EPHA5: variants seen among roughly 807,000 people sequenced by gnomAD.
The protein encoded by EPHA5 is EPH receptor A5.
Under a neutral mutation model 105.0 loss-of-function variants are expected in EPHA5, and 60 were observed. That is an observed-to-expected ratio of 0.57 (90% CI 0.46 to 0.71). EPHA5 has a LOEUF of 0.71. Among genes scored for constraint, EPHA5 ranks in the 30% least tolerant of loss-of-function variants. The probability of loss-of-function intolerance (pLI) is 0.00; values close to 1 mark genes in which losing one functional copy is unlikely to be tolerated. For synonymous variants in EPHA5, 513 were observed against 449.1 expected (o/e 1.14, Z -1.80); for missense variants, 1,218 against 1,274.7 (o/e 0.96, Z 0.68).
intron 3 of EPHA5, among the ~76,000 whole-genome samples, chr4:65,526,973 C>T (rs770912153): frequency 6.6e-6 from 1 of 151,968 alleles, no homozygotes; most frequent in Non-Finnish European, 1.5e-5. Flanking sequence ...ATTCTTTCCT[C>T]TAAATGGGTA....
intron 8 of EPHA5, among the ~76,000 whole-genome samples, chr4:65,383,861 A>G (rs893339747): frequency 6.6e-6 from 1 of 151,918 alleles, no homozygotes; most frequent in Admixed American, 6.6e-5. Flanking sequence ...AACATAAAAA[A>G]TATATATGAT....
At chr4:65,549,210 G>A (rs921535209) in intron 3 of EPHA5, among the ~76,000 whole-genome samples, 1 of 152,056 alleles carries the variant, frequency 6.6e-6, no homozygotes, top group Admixed American at 6.6e-5. Flanking sequence ...ATGGCCAGAA[G>A]ATAATAAAAT....
At chr4:65,507,713 A>G (rs1429883267) in intron 3 of EPHA5, among the ~76,000 whole-genome samples, 2 of 152,028 alleles carry the variant, frequency 1.3e-5, no homozygotes, top group Non-Finnish European at 2.9e-5. Context: ...ATGCACATTG[A>G]TTTTGTATCC....
chr4:65,413,628 G>T (rs1239243874), intron 7 of EPHA5, among the ~76,000 whole-genome samples: 1 of 152,014 alleles, frequency 6.6e-6, no homozygotes, highest in Non-Finnish European at 1.5e-5. Flanking sequence ...ACAATACTGT[G>T]TATTTCCTCA....
At chr4:65,585,966 C>G (rs1311215675) in intron 3 of EPHA5, among the ~76,000 whole-genome samples, 1 of 150,750 alleles carries the variant, frequency 6.6e-6, no homozygotes, top group East Asian at 1.9e-4. Context: ...CAAAAGTTAT[C>G]ATTTCTGGAA....
chr4:65,465,805 T>G (rs1439538815), intron 5 of EPHA5, among the ~76,000 whole-genome samples: 1 of 152,146 alleles, frequency 6.6e-6, no homozygotes, highest in Non-Finnish European at 1.5e-5. Flanking sequence ...TGGAATTTCC[T>G]AAGAAAAAAA....
chr4:65,349,807 A>G (rs917857532), intron 13 of EPHA5, among the ~76,000 whole-genome samples: 1 of 152,176 alleles, frequency 6.6e-6, no homozygotes, highest in Non-Finnish European at 1.5e-5. Flanking sequence ...CTATGCATAG[A>G]TATTCTATAA....
In EPHA5 at chr4:65,453,343, T is replaced by G. The variant is rs549863719; in HGVS notation, c.1403-32778A>C. The stretch of plus-strand genomic sequence containing the variant: ...TCTTTTTTTCCAAGATATGTGAAAA[T>G]AAATTAAGGTTAAGATTTTTAATTC... On this transcript the variant is annotated intron_variant, in intron 5 of 16. Coordinates refer to ENST00000613740, the MANE Select transcript of EPHA5 (RefSeq NM_001281766.3). 1.9e-4 allele frequency among the ~76,000 whole-genome samples: 29 copies of G among 152,212 alleles called. 1 individual carries two copies. The highest frequency in any genetic ancestry group is 9.2e-4 in the Admixed American group (14 of 15,288).
intron 3 of EPHA5, among the ~76,000 whole-genome samples, chr4:65,538,609 G>A (rs772223383): frequency 6.9e-4 from 105 of 151,708 alleles, no homozygotes; most frequent in Middle Eastern, 3.4e-3. Context: ...ATTAACAGAT[G>A]GAGTCAAGAG....
At chr4:65,410,618 G>C (rs764926048) in intron 7 of EPHA5, among the ~76,000 whole-genome samples, 8 of 152,142 alleles carry the variant, frequency 5.3e-5, no homozygotes, top group Admixed American at 1.3e-4. Flanking sequence ...AAGATCTGTG[G>C]ATTGATTGCA....
intron 5 of EPHA5, among the ~76,000 whole-genome samples, chr4:65,480,818 C>A (rs73822174): frequency 0.014 from 2,134 of 151,996 alleles, 53 homozygotes; most frequent in African/African-American, 0.048. Flanking sequence ...ATGCTCTTTT[C>A]TATTTCAACT....
In EPHA5 at chr4:65,459,407, T is replaced by C. The variant is rs146037599; in HGVS notation, c.1402+30970A>G. ...AATCTATTTCAGTTGAGATAAATAA[T>C]GCACAAATCACTGTTCTTTTTGAGG... is the stretch of plus-strand genomic sequence containing the variant. On this transcript the variant is annotated intron_variant, in intron 5 of 16. Coordinates refer to ENST00000613740, the MANE Select transcript of EPHA5 (RefSeq NM_001281766.3). Among the ~76,000 whole-genome samples the C allele has an allele frequency of 1.7e-3, 253 of 152,034 alleles. 1 individual carries two copies. The highest frequency in any genetic ancestry group is 5.7e-3 in the African/African-American group (236 of 41,572).
chr4:65,519,761 T>G (rs1353269104), intron 3 of EPHA5, among the ~76,000 whole-genome samples: 5 of 152,050 alleles, frequency 3.3e-5, no homozygotes, highest in Non-Finnish European at 7.4e-5. Context: ...AAATCATGAG[T>G]GAATGTCCAT....
In EPHA5 at chr4:65,490,551, C is replaced by G. The variant is rs200754741; in HGVS notation, c.1228G>C (p.Gly410Arg). 6.2e-7 allele frequency: 1 copy of G among 1,614,012 alleles called. No individual in the cohort carries two copies. The highest frequency in any genetic ancestry group is 8.5e-7 in the Non-Finnish European group (1 of 1,180,014). ...TGCCGGGGAAGGTACCTGACATGAC[C>G]GCCACACTCCTCACACACACCTGCA... is the stretch of plus-strand genomic sequence containing the variant. ...SHAGVCEECGGHVRYLPRQSG... is the reference protein window; with the variant it reads ...SHAGVCEECGRHVRYLPRQSG... The change falls in exon 5 of 17, where the codon GGT becomes CGT. Residue 410 changes from glycine to arginine, a missense_variant. Around this residue, in one of 3 missense-constraint regions of EPHA5, gnomAD observed 971 missense variants for 1,013.5 expected, o/e 0.96. Transcript: ENST00000613740.
intron 8 of EPHA5, among the ~76,000 whole-genome samples, chr4:65,391,674 G>T (rs1577996340): frequency 1.3e-5 from 2 of 152,086 alleles, no homozygotes; most frequent in South Asian, 4.1e-4. Flanking sequence ...AGAAACCTAG[G>T]AGGGTCTTCT....
intron 3 of EPHA5, among the ~76,000 whole-genome samples, chr4:65,500,372 T>C (rs1262239094): frequency 6.6e-6 from 1 of 151,314 alleles, no homozygotes; most frequent in Non-Finnish European, 1.5e-5. Flanking sequence ...TTTCTACCCA[T>C]GCTTGAAGGC....
rs922860636 is a variant in EPHA5 at position 65,525,245 on chromosome 4, T to A, written c.911-29702A>T. On this transcript the variant is annotated intron_variant, in intron 3 of 16. Coordinates refer to ENST00000613740, the MANE Select transcript of EPHA5 (RefSeq NM_001281766.3). ...GCATTTGGCAGGAAATACTATAATT[T>A]ATTTTTAAAGTTCCCTCTATGACTG... Among the ~76,000 whole-genome samples the A allele has an allele frequency of 2.6e-5, 4 of 151,758 alleles. No homozygotes were observed. In the South Asian group the frequency reaches 8.3e-4, roughly 31 times the overall value.
chr4:65,507,621 T>C (rs1433233777), intron 3 of EPHA5, among the ~76,000 whole-genome samples: 1 of 152,152 alleles, frequency 6.6e-6, no homozygotes, highest in African/African-American at 2.4e-5. Context: ...TTTATTATCC[T>C]TGAAGCAATT....
intron 5 of EPHA5, among the ~76,000 whole-genome samples, chr4:65,469,794 C>A (rs888581421): frequency 1.3e-5 from 2 of 151,862 alleles, no homozygotes; most frequent in Non-Finnish European, 2.9e-5. Context: ...CAGCATAAAA[C>A]AAATTTAAAG....
Sources: gnomAD v4.1 joint callset for allele counts (sites outside exome capture counted in the v4.1 genomes callset) on GRCh38, gnomAD v4.1.1 for gene constraint, gnomAD v4.1.1 regional missense constraint, MANE v1.5 for transcripts, NCBI Gene and HGNC (gene_info 2026-07-23, HGNC 2026-07-21) for gene names.